Variants in SLC24A4 observed in about 807,000 individuals in gnomAD.
The protein encoded by SLC24A4 is solute carrier family 24 member 4.
A neutral mutation model predicts 79.0 loss-of-function variants in SLC24A4; 53 were observed. The observed-to-expected ratio is 0.67, with a 90% confidence interval of 0.54 to 0.84. The LOEUF (loss-of-function observed/expected upper bound fraction) is 0.84. SLC24A4 is among the 40% of genes least tolerant of loss of function. SLC24A4 has a pLI of 0.00. For missense variants in SLC24A4, 731 were observed against 822.0 expected (o/e 0.89, Z 1.35); for synonymous variants, 323 against 323.8 (o/e 1.00, Z 0.03).
At chr14:92,413,657 G>A (rs375797647) in intron 2 of SLC24A4, among the ~76,000 whole-genome samples, 83 of 152,276 alleles carry the variant, frequency 5.5e-4, no homozygotes, top group African/African-American at 1.9e-3. Flanking sequence ...GATGCCACAC[G>A]CTCAGTGCTT....
In SLC24A4 at chr14:92,482,779, T is replaced by A. The variant is rs200218380; in HGVS notation, c.1355T>A (p.Phe452Tyr). 133 of 1,613,972 alleles carry A rather than the reference T, an allele frequency of 8.2e-5. No homozygotes were observed. Among genetic ancestry groups the A allele is most frequent in the Non-Finnish European group, 1.0e-4 (123 of 1,180,000 alleles). Residue 452 changes from phenylalanine (F) to tyrosine (Y), a missense_variant, in exon 13 of 17, where the codon TTC becomes TAC. Coordinates refer to ENST00000532405, the MANE Select transcript of SLC24A4 (RefSeq NM_153646.4). The part of the protein sequence containing the change: ...PNCSKPRWEK[F>Y]FMVTFITATL... Reference sequence around the variant, plus strand: ...TGCAGCAAGCCCCGCTGGGAGAAGTTCTTCATGGTCACCTTCATCACCGCC... The same window carrying A: ...TGCAGCAAGCCCCGCTGGGAGAAGTACTTCATGGTCACCTTCATCACCGCC...
At chr14:92,406,032 A>G (rs564501898) in intron 2 of SLC24A4, among the ~76,000 whole-genome samples, 1 of 152,356 alleles carries the variant, frequency 6.6e-6, no homozygotes, top group African/African-American at 2.4e-5. Flanking sequence ...AGTTATTTCC[A>G]AGATACAGTG....
At chr14:92,331,485 G>A (rs568246821) in intron 2 of SLC24A4, among the ~76,000 whole-genome samples, 8 of 152,176 alleles carry the variant, frequency 5.3e-5, no homozygotes, top group African/African-American at 1.9e-4. Flanking sequence ...GTTTCACCAT[G>A]TTACCCAGGC....
intron 2 of SLC24A4, among the ~76,000 whole-genome samples, chr14:92,356,485 C>T (rs1887188272): frequency 6.6e-6 from 1 of 152,150 alleles, no homozygotes; most frequent in Non-Finnish European, 1.5e-5. Context: ...AGCCAGAACT[C>T]CTGAATTTGA....
Position 92,441,353 on chromosome 14 carries a change from GA to G in SLC24A4, c.394-735del, listed in dbSNP as rs370795471. Among the ~76,000 whole-genome samples, 803 of 152,326 alleles carry G rather than the reference GA, an allele frequency of 5.3e-3. 11 individuals are homozygous for G. Among genetic ancestry groups the G allele is most frequent in the East Asian group, 0.036 (186 of 5,182 alleles). On this transcript the variant is annotated intron_variant, in intron 4 of 16. Transcript: ENST00000532405. The surrounding 1 kb of genome is among the most constrained non-coding windows in gnomAD (Gnocchi z 4.6). Reference sequence around the variant, plus strand: ...GAGGATGGGCTCTGTGGCCAGACATGACCCGGACAGGCAGAACAGGCCCCAA... The same window carrying G: ...GAGGATGGGCTCTGTGGCCAGACATGCCCGGACAGGCAGAACAGGCCCCAA...
At chr14:92,372,885 C>CTTCCTTCG (rs1420436101) in intron 2 of SLC24A4, among the ~76,000 whole-genome samples, 28 of 107,032 alleles carry the variant, frequency 2.6e-4, no homozygotes, top group African/African-American at 7.7e-4. Flanking sequence ...TCCTTCCTTC[C>CTTCCTTCG]TTCCTTCCTT....
chr14:92,411,108 G>A (rs898506526), intron 2 of SLC24A4, among the ~76,000 whole-genome samples: 1 of 152,202 alleles, frequency 6.6e-6, no homozygotes, highest in Admixed American at 6.5e-5. Context: ...AGGTCCCAGA[G>A]AGGGAGTACA....
intron 2 of SLC24A4, 31 bp from the exon 3 acceptor site, chr14:92,433,881 T>A: frequency 6.3e-7 from 1 of 1,598,096 alleles, no homozygotes; most frequent in Non-Finnish European, 8.6e-7. Context: ...CATAGATAAC[T>A]AACACTCTGC....
At chr14:92,426,184 C>G (rs923048602) in intron 2 of SLC24A4, among the ~76,000 whole-genome samples, 2 of 151,978 alleles carry the variant, frequency 1.3e-5, no homozygotes, top group African/African-American at 4.8e-5. Context: ...ATACCTGAGG[C>G]TGGGTAATAA....
At chr14:92,444,922 TACAC>T (rs1368561122) in intron 7 of SLC24A4, among the ~76,000 whole-genome samples, 5 of 77,014 alleles carry the variant, frequency 6.5e-5, no homozygotes, top group East Asian at 7.5e-4. Context: ...ACACCCTATA[TACAC>T]ACACATACAC....
At chr14:92,363,954 C>A (rs540429868) in intron 2 of SLC24A4, among the ~76,000 whole-genome samples, 4 of 152,354 alleles carry the variant, frequency 2.6e-5, no homozygotes, top group Admixed American at 2.6e-4. Flanking sequence ...CGCCGACCCA[C>A]ACAATGCCTC....
rs554613447 is a variant in SLC24A4 at position 92,500,040 on chromosome 14, C to G, written c.*6412C>G. ...ATTTTTGGTACAGACAGGGTTTCAC[C>G]GTGTTAGCCAGGATGGTCTTGATCT... On this transcript the variant is annotated 3_prime_UTR_variant, in exon 17 of 17. Transcript: ENST00000532405. The G allele has an allele frequency of 2.0e-5, 3 of 150,502 alleles. No individual in the cohort carries two copies. The highest frequency in any genetic ancestry group is 4.4e-5 in the Non-Finnish European group (3 of 67,814). The allele number at this position is 150,502 out of a possible 1,614,324, so 9.3% of individuals were successfully genotyped here.
At chr14:92,481,557 C>G (rs1187440433) in intron 12 of SLC24A4, among the ~76,000 whole-genome samples, 2 of 152,150 alleles carry the variant, frequency 1.3e-5, no homozygotes, top group African/African-American at 4.8e-5. Context: ...TTGTTCTGCC[C>G]CCTCTTGTGG....
intron 2 of SLC24A4, among the ~76,000 whole-genome samples, chr14:92,394,660 C>A (rs1180956839): frequency 6.6e-6 from 1 of 152,166 alleles, no homozygotes; most frequent in African/African-American, 2.4e-5. Context: ...AATACTTAAT[C>A]TTACATAAAA....
At chr14:92,386,089 C>A (rs1889141824) in intron 2 of SLC24A4, among the ~76,000 whole-genome samples, 1 of 152,058 alleles carries the variant, frequency 6.6e-6, no homozygotes, top group South Asian at 2.1e-4. Context: ...CCCTCAGAGG[C>A]ACGATTTTCA....
chr14:92,335,951 C>T (rs955166388), intron 2 of SLC24A4, among the ~76,000 whole-genome samples: 3 of 152,130 alleles, frequency 2.0e-5, no homozygotes, highest in Non-Finnish European at 2.9e-5. Context: ...CTATGTGGGC[C>T]GTGCTTCTTG....
chr14:92,339,807 T>C (rs1446386727), intron 2 of SLC24A4, among the ~76,000 whole-genome samples: 1 of 152,190 alleles, frequency 6.6e-6, no homozygotes, highest in Non-Finnish European at 1.5e-5. Context: ...GTAACTGAAA[T>C]TGAAATAATA....
Position 92,482,864 on chromosome 14 carries a change from G to C in SLC24A4, c.1422+18G>C. 1 of 1,599,702 alleles carries C rather than the reference G, an allele frequency of 6.3e-7. No individual in the cohort carries two copies. Among genetic ancestry groups the C allele is most frequent in the Non-Finnish European group, 8.5e-7 (1 of 1,171,902 alleles). On this transcript the variant is annotated intron_variant, in intron 13 of 16. Coordinates refer to ENST00000532405, the MANE Select transcript of SLC24A4 (RefSeq NM_153646.4). ...TGTGGCTGGTGAGTGGGGGGAGCAG[G>C]GGGTGGACTGTGTGCACAGCCAGGG...
chr14:92,425,051 G>C (rs925904696), intron 2 of SLC24A4, among the ~76,000 whole-genome samples: 3 of 152,156 alleles, frequency 2.0e-5, no homozygotes, highest in African/African-American at 7.2e-5. Context: ...CATGAGATCC[G>C]GAGGGAACAA....
Sources: allele counts gnomAD v4.1 joint callset (sites outside exome capture counted in the v4.1 genomes callset), GRCh38; gene constraint gnomAD v4.1.1; non-coding constraint Gnocchi (gnomAD v3.1); transcripts MANE v1.5; gene names NCBI Gene and HGNC (gene_info 2026-07-23, HGNC 2026-07-21).